The following MYO18B variants were observed in gnomAD, a reference collection of about 807,000 sequenced individuals.
MYO18B encodes myosin XVIIIB, also known as unconventional myosin-XVIIIb.
Under a neutral mutation model 273.0 loss-of-function variants are expected in MYO18B, and 204 were observed. The ratio of observed to expected loss-of-function variants is 0.75; its 90% CI spans 0.67 to 0.84. MYO18B has a LOEUF of 0.84. Among genes scored for constraint, MYO18B ranks in the 40% least tolerant of loss-of-function variants. The pLI is 0.00. For synonymous variants in MYO18B, 1,330 were observed against 1,305.7 expected (o/e 1.02, Z -0.40); for missense variants, 3,212 against 3,287.6 (o/e 0.98, Z 0.56).
chr22:25,809,653 T>G (rs1268023378), intron 12 of MYO18B, among the ~76,000 whole-genome samples: 1 of 152,026 alleles, frequency 6.6e-6, no homozygotes, highest in African/African-American at 2.4e-5. Context: ...CTGGAATGGA[T>G]GGGGCTGTAA....
chr22:25,832,879 G>A (rs368422870), intron 15 of MYO18B, 38 bp from the exon 16 acceptor site: 28 of 1,559,330 alleles, frequency 1.8e-5, no homozygotes, highest in Middle Eastern at 1.7e-4. Flanking sequence ...CCTTCAGCTC[G>A]CTAAAAGTGC....
intron 12 of MYO18B, among the ~76,000 whole-genome samples, chr22:25,814,294 C>CTTTTTTTTTTTTTTTT (rs398036691): frequency 1.8e-4 from 11 of 59,494 alleles, no homozygotes; most frequent in Non-Finnish European, 3.2e-4. Flanking sequence ...AGGCACCGTT[C>CTTTTTTTTTTTTTTTT]TTTTTTTTTT....
chr22:25,749,671 C>A (rs1341416803), intron 1 of MYO18B, among the ~76,000 whole-genome samples: 1 of 152,090 alleles, frequency 6.6e-6, no homozygotes, highest in African/African-American at 2.4e-5. Flanking sequence ...AGAGGGCATG[C>A]CACGTGGATG....
At chr22:25,760,083 A>C (rs1239519436) in intron 1 of MYO18B, among the ~76,000 whole-genome samples, 1 of 152,146 alleles carries the variant, frequency 6.6e-6, no homozygotes, top group Non-Finnish European at 1.5e-5. Context: ...TATTCCCTTC[A>C]CAAAGAAAAC....
At chr22:26,026,322 G>T (rs868409039) in intron 42 of MYO18B, 123 bp from the exon 43 acceptor site, 3 of 1,102,694 alleles carry the variant, frequency 2.7e-6, no homozygotes. Flanking sequence ...TTGAGAGTGC[G>T]GTAGGGATGG....
chr22:25,937,903 G>T (rs543014254), intron 34 of MYO18B, among the ~76,000 whole-genome samples: 3 of 152,104 alleles, frequency 2.0e-5, no homozygotes, highest in Non-Finnish European at 2.9e-5. Context: ...TAATATGTTT[G>T]CATTTAACAA....
chr22:25,928,592 C>T (rs2092454468), intron 34 of MYO18B, among the ~76,000 whole-genome samples: 1 of 151,960 alleles, frequency 6.6e-6, no homozygotes, highest in African/African-American at 2.4e-5. Context: ...GTTCTTTTCT[C>T]CCAGTTTCCC....
intron 8 of MYO18B, 46 bp from the exon 9 acceptor site, chr22:25,780,010 G>A: frequency 6.6e-7 from 1 of 1,518,452 alleles, no homozygotes; most frequent in Non-Finnish European, 8.8e-7. Flanking sequence ...GGCAGTGGCA[G>A]CACCTGGGCC....
At chr22:25,872,210 G>A (rs573058022) in intron 22 of MYO18B, among the ~76,000 whole-genome samples, 3 of 152,330 alleles carry the variant, frequency 2.0e-5, no homozygotes, top group African/African-American at 4.8e-5. Context: ...AAGGCATAGT[G>A]CAGGATGGTC....
At chr22:25,940,235 T>A (rs115548234) in intron 34 of MYO18B, among the ~76,000 whole-genome samples, 156 of 152,336 alleles carry the variant, frequency 1.0e-3, no homozygotes, top group African/African-American at 3.3e-3. Flanking sequence ...TGTTTGAATC[T>A]TGGGGAGCAA....
chr22:25,789,081 TCTTC>T (rs2087530229), intron 11 of MYO18B, among the ~76,000 whole-genome samples: 2 of 11,930 alleles, frequency 1.7e-4, no homozygotes, highest in Non-Finnish European at 1.8e-3. Flanking sequence ...TCCTCCTTCT[TCTTC>T]CTCCTCCTTC....
At chr22:25,945,704 CTCCCCTCGCCT>C (rs2092696621) in intron 34 of MYO18B, among the ~76,000 whole-genome samples, 1 of 64,834 alleles carries the variant, frequency 1.5e-5, no homozygotes, top group African/African-American at 7.1e-5. Context: ...CGCCTCCCCT[CTCCCCTCGCCT>C]CCCCTCCCCT....
At chr22:25,765,164 T>C (rs2086461161) in intron 3 of MYO18B, among the ~76,000 whole-genome samples, 1 of 152,144 alleles carries the variant, frequency 6.6e-6, no homozygotes, top group Admixed American at 6.5e-5. Context: ...AGAGCCAAGA[T>C]GCAGGATGGC....
chr22:26,058,026 T>TG, the MYO18B span, among the ~76,000 whole-genome samples: 1 of 152,134 alleles, frequency 6.6e-6, no homozygotes, highest in South Asian at 2.1e-4. Context: ...CAATTAGAAT[T>TG]GGCAAATGAG....
At chr22:25,942,504 G>A (rs1307514936) in intron 34 of MYO18B, among the ~76,000 whole-genome samples, 1 of 152,210 alleles carries the variant, frequency 6.6e-6, no homozygotes, top group East Asian at 1.9e-4. Context: ...AGACCTCCCA[G>A]TGAGTGGCTT....
chr22:25,817,911 C>T (rs182035734), intron 12 of MYO18B, among the ~76,000 whole-genome samples: 3 of 152,266 alleles, frequency 2.0e-5, no homozygotes, highest in East Asian at 1.9e-4. Flanking sequence ...CCTGTGTGGC[C>T]GGCCACTCTG....
intron 39 of MYO18B, among the ~76,000 whole-genome samples, chr22:25,975,491 C>T (rs982810312): frequency 6.0e-4 from 91 of 152,224 alleles, no homozygotes; most frequent in African/African-American, 2.9e-4. Flanking sequence ...AAAGTGCTTT[C>T]GATATACCAT....
At chr22:26,007,518 A>C (rs1934529479) in intron 42 of MYO18B, among the ~76,000 whole-genome samples, 1 of 152,212 alleles carries the variant, frequency 6.6e-6, no homozygotes, top group Non-Finnish European at 1.5e-5. Context: ...ATTAGTACTA[A>C]AACTGCCTAA....
intron 41 of MYO18B, among the ~76,000 whole-genome samples, chr22:26,004,155 C>T (rs1203382780): frequency 6.6e-6 from 1 of 151,842 alleles, no homozygotes; most frequent in African/African-American, 2.4e-5. Flanking sequence ...CATATACACA[C>T]ACATATACAT....
Sources: allele counts gnomAD v4.1 joint callset (sites outside exome capture counted in the v4.1 genomes callset), GRCh38; gene constraint gnomAD v4.1.1; transcripts MANE v1.5; gene names NCBI Gene and HGNC (gene_info 2026-07-23, HGNC 2026-07-21).